USP33: variants seen among roughly 807,000 people sequenced by gnomAD.
USP33 encodes the protein ubiquitin carboxyl-terminal hydrolase 33.
In USP33, 46 loss-of-function variants were observed where a neutral mutation model predicts 124.2. That is an observed-to-expected ratio of 0.37 (90% CI 0.29 to 0.47). The LOEUF (loss-of-function observed/expected upper bound fraction) is 0.47, where lower values mean the gene tolerates loss of function less well. Among genes scored for constraint, USP33 ranks in the 20% least tolerant of loss-of-function variants. The probability of loss-of-function intolerance (pLI) is 0.99; values close to 1 mark genes in which losing one functional copy is unlikely to be tolerated. For synonymous variants in USP33, 350 were observed against 352.3 expected (o/e 0.99, Z 0.07); for missense variants, 851 against 1,070.6 (o/e 0.79, Z 2.86).
At chr1:77,731,875 A>C (rs370899825) in intron 7 of USP33, among the ~76,000 whole-genome samples, 1 of 152,258 alleles carries the variant, frequency 6.6e-6, no homozygotes, top group South Asian at 2.1e-4. Flanking sequence ...AGGCCAAGGC[A>C]GGACATGACT....
At chr1:77,702,774 A>G (rs1674190882) in intron 21 of USP33, among the ~76,000 whole-genome samples, 1 of 152,082 alleles carries the variant, frequency 6.6e-6, no homozygotes, top group South Asian at 2.1e-4. Flanking sequence ...TTGCCAGGTT[A>G]GCCAGTCTGG....
chr1:77,720,629 C>A (rs1676466620), intron 15 of USP33: 1 of 985,126 alleles, frequency 1.0e-6, no homozygotes. Context: ...CACTTTGCCT[C>A]ACAAATAGTT....
chr1:77,716,664 C>T (rs866398298), intron 17 of USP33, among the ~76,000 whole-genome samples: 17 of 152,132 alleles, frequency 1.1e-4, no homozygotes, highest in Middle Eastern at 3.2e-3. Context: ...GGTAAACAAG[C>T]TAGTGAGATA....
chr1:77,723,193 T>A (rs1676772734), intron 12 of USP33, 138 bp downstream of exon 12: 1 of 700,060 alleles, frequency 1.4e-6, no homozygotes, highest in Non-Finnish European at 2.4e-6. Context: ...ATCAAATTTG[T>A]GTTGATGTAA....
chr1:77,741,375 C>T lies in USP33; in HGVS notation c.135+1G>A, dbSNP rs1679098915. On this transcript the variant is annotated splice_donor_variant, in intron 3 of 23. Transcript: ENST00000370794. LOFTEE classifies it high-confidence loss of function. ...CTTTTCAGGAAAAAACATATACACACCTCCAGACATGCCCAAAGATTTGGT... is the reference window on the plus strand; with the variant it reads ...CTTTTCAGGAAAAAACATATACACATCTCCAGACATGCCCAAAGATTTGGT... The T allele has an allele frequency of 1.2e-6, 2 of 1,607,470 alleles. No individual in the cohort carries two copies. Among genetic ancestry groups the T allele is most frequent in the Admixed American group, 1.7e-5 (1 of 57,988 alleles).
intron 1 of USP33, among the ~76,000 whole-genome samples, chr1:77,751,529 C>T (rs1680333593): frequency 6.6e-6 from 1 of 152,042 alleles, no homozygotes; most frequent in African/African-American, 2.4e-5. Flanking sequence ...TGGTGGCATG[C>T]CCCTGCAGTC....
At chr1:77,701,726 A>C in intron 21 of USP33, 1 of 301,698 alleles carries the variant, frequency 3.3e-6, no homozygotes, top group Non-Finnish European at 6.0e-6. Flanking sequence ...CTGGAGTGCA[A>C]TGGCACGATC....
chr1:77,740,937 A>C lies in USP33; in HGVS notation c.138T>G (p.Asn46Lys), dbSNP rs779599519. 6.5e-7 allele frequency: 1 copy of C among 1,543,172 alleles called. No homozygotes were observed. Among genetic ancestry groups the C allele is most frequent in the Non-Finnish European group, 8.8e-7 (1 of 1,139,200 alleles). The change falls in exon 4 of 24, where the codon AAT becomes AAG. Residue 46 changes from asparagine to lysine, a missense_variant and splice_region_variant. Physicochemically the swap from Asn to Lys is moderately conservative, Grantham distance 94 (BLOSUM62 0). Transcript: ENST00000370794. ...QGPNLWACLE[N>K]RCSYVGCGES... is the part of the protein sequence containing the mutation. ...CACCACAGCCAACATATGAACATCT[A>C]TTCTATAAATAATTATATAGGAAGA...
chr1:77,742,322 T>G (rs2101559566), intron 1 of USP33, among the ~76,000 whole-genome samples: 1 of 152,318 alleles, frequency 6.6e-6, no homozygotes, highest in South Asian at 2.1e-4. Context: ...AATTCTTCGC[T>G]GTGAGGGATT....
At position 77,711,821 on chromosome 1, in the gene USP33, T is replaced by C; in HGVS notation, c.2332A>G (p.Ile778Val). ...GGGPAVNHLYICHTCQIEAEK... is the reference protein window; with the variant it reads ...GGGPAVNHLYVCHTCQIEAEK... ...GCCTCAATTTGGCAAGTATGACAAA[T>C]GTACAGATGGTTGACAGCTGGTCCT... The change falls in exon 21 of 24, where the codon ATT (isoleucine) becomes GTT (valine). Residue 778 changes from isoleucine to valine, a missense_variant. Around this residue, in one of 4 missense-constraint regions of USP33, gnomAD observed 281 missense variants for 425.0 expected, o/e 0.66. Transcript: ENST00000370794. 1 of 1,608,996 alleles carries C rather than the reference T, an allele frequency of 6.2e-7. No homozygotes were observed. Among genetic ancestry groups the C allele is most frequent in the East Asian group, 2.2e-5 (1 of 44,680 alleles).
chr1:77,745,082 A>C (rs1679597083), intron 1 of USP33, among the ~76,000 whole-genome samples: 2 of 152,066 alleles, frequency 1.3e-5, no homozygotes, highest in Admixed American at 6.6e-5. Flanking sequence ...GTCTCTAAGG[A>C]CTTGCTTTAT....
At chr1:77,732,672 C>G (rs561746339) in intron 7 of USP33, among the ~76,000 whole-genome samples, 22 of 152,176 alleles carry the variant, frequency 1.4e-4, no homozygotes, top group Non-Finnish European at 2.5e-4. Context: ...TCAAATGTGT[C>G]AAGCTCTTTC....
At chr1:77,710,427 A>G (rs1219798574) in intron 21 of USP33, among the ~76,000 whole-genome samples, 1 of 152,256 alleles carries the variant, frequency 6.6e-6, no homozygotes, top group African/African-American at 2.4e-5. Context: ...AATAGCTACT[A>G]TTAATCAAAT....
chr1:77,738,609 T>C (rs1186185857), intron 5 of USP33, among the ~76,000 whole-genome samples: 1 of 151,984 alleles, frequency 6.6e-6, no homozygotes, highest in African/African-American at 2.4e-5. Flanking sequence ...GCCTCCAAAG[T>C]AGCTGGGAAT....
chr1:77,738,878 G>T (rs1678793410), intron 5 of USP33, among the ~76,000 whole-genome samples: 1 of 152,162 alleles, frequency 6.6e-6, no homozygotes, highest in African/African-American at 2.4e-5. Context: ...TAATACAAAG[G>T]GGATGGAGGG....
chr1:77,724,886 C>T (rs1676984353), intron 11 of USP33, among the ~76,000 whole-genome samples: 1 of 151,648 alleles, frequency 6.6e-6, no homozygotes, highest in African/African-American at 2.4e-5. Context: ...ACTAAAAATA[C>T]AAAAAATTAG....
chr1:77,722,288 T>C, intron 12 of USP33, 92 bp from the exon 13 acceptor site: 1 of 1,266,104 alleles, frequency 7.9e-7, no homozygotes, highest in African/African-American at 1.5e-5. Flanking sequence ...TCAAAGCATG[T>C]TTAAATAAGC....
chr1:77,741,114 C>G (rs1039956966), intron 3 of USP33, among the ~76,000 whole-genome samples, 175 bp from the exon 4 acceptor site: 4 of 151,908 alleles, frequency 2.6e-5, no homozygotes, highest in African/African-American at 9.7e-5. Context: ...AAAATAAAAC[C>G]AGGATATATT....
Position 77,713,252 on chromosome 1 carries a change from C to T in USP33, c.2245G>A (p.Glu749Lys). ...GVPPRKAGYI[E>K]DLVLMLPQNI... ...TGAGGCAGCATCAAAACCAGGTCTT[C>T]AATATAACCAGCTTTTCTTGGAGGA... Residue 749 changes from glutamate (E) to lysine (K), a missense_variant, in exon 20 of 24, where the codon GAA becomes AAA. Transcript: ENST00000370794. 2 of 1,573,364 alleles carry T rather than the reference C, an allele frequency of 1.3e-6. No individual in the cohort carries two copies. The highest frequency in any genetic ancestry group is 1.7e-6 in the Non-Finnish European group (2 of 1,168,248).
Sources: allele counts gnomAD v4.1 joint callset (sites outside exome capture counted in the v4.1 genomes callset), GRCh38; gene constraint gnomAD v4.1.1; regional missense constraint gnomAD v4.1.1; transcripts MANE v1.5; gene names NCBI Gene and HGNC (gene_info 2026-07-23, HGNC 2026-07-21).